Variants in GIN1 observed in about 807,000 individuals in gnomAD.
The protein encoded by GIN1 is gypsy retrotransposon integrase 1.
GIN1 carries 41 observed loss-of-function variants against 51.4 expected under a neutral mutation model. The observed-to-expected ratio is 0.80, with a 90% CI of 0.62 to 1.04. GIN1 has a LOEUF of 1.04. Ranked by LOEUF, GIN1 falls within the 50% of genes least tolerant of loss-of-function variation. The pLI is 0.00. For synonymous variants in GIN1, 222 were observed against 206.5 expected, an observed-to-expected ratio of 1.07 and a Z score of -0.64; for missense variants, 610 against 612.4, an observed-to-expected ratio of 1.00 and a Z score of 0.04.
chr5:103,093,934 T>C (rs1787325191), intron 7 of GIN1, among the ~76,000 whole-genome samples: 1 of 152,210 alleles, frequency 6.6e-6, no homozygotes, highest in Non-Finnish European at 1.5e-5. Context: ...CATTTAGTTC[T>C]AGATAAGAAT....
chr5:103,113,076 A>T (rs1787931052), intron 1 of GIN1, among the ~76,000 whole-genome samples: 1 of 152,042 alleles, frequency 6.6e-6, no homozygotes, highest in Non-Finnish European at 1.5e-5. Context: ...ACTTTATTCC[A>T]TTGCCACTGC....
chr5:103,092,980 G>GA (rs1787296452), intron 7 of GIN1, among the ~76,000 whole-genome samples: 1 of 112,606 alleles, frequency 8.9e-6, no homozygotes, highest in Non-Finnish European at 2.0e-5. Context: ...GGAAAAAAGA[G>GA]AAAGAAAAAA....
chr5:103,116,773 A>G (rs577692299), intron 1 of GIN1, among the ~76,000 whole-genome samples: 1 of 152,212 alleles, frequency 6.6e-6, no homozygotes, highest in African/African-American at 2.4e-5. Flanking sequence ...ACCTGGAAAT[A>G]CACTTCACTA....
chr5:103,089,717 A>G (rs1246735616), intron 7 of GIN1, among the ~76,000 whole-genome samples: 1 of 152,212 alleles, frequency 6.6e-6, no homozygotes, highest in East Asian at 1.9e-4. Context: ...TTAATTGCCT[A>G]TTTAGATTAG....
chr5:103,108,124 C>T (rs1313923130), intron 2 of GIN1, among the ~76,000 whole-genome samples: 1 of 152,012 alleles, frequency 6.6e-6, no homozygotes, highest in East Asian at 1.9e-4. Context: ...TATTTAATGG[C>T]AGTGGTGGGG....
chr5:103,096,359 GC>G (rs1322222637), intron 7 of GIN1, among the ~76,000 whole-genome samples, 181 bp downstream of exon 7: 5 of 151,846 alleles, frequency 3.3e-5, no homozygotes, highest in African/African-American at 1.2e-4. Context: ...AATCTCACAG[GC>G]CTGACAGTTC....
Position 103,100,515 on chromosome 5 carries a change from C to T in GIN1, c.640-2734G>A, listed in dbSNP as rs145348600. ...TAAGCAATCCTTACACGTTAGCCTCCTGAGTTGCTGGGACTATGAGTGTGC... is the reference window on the plus strand; with the variant it reads ...TAAGCAATCCTTACACGTTAGCCTCTTGAGTTGCTGGGACTATGAGTGTGC... On this transcript the variant is annotated intron_variant, in intron 4 of 7. Coordinates refer to ENST00000399004, the MANE Select transcript of GIN1 (RefSeq NM_017676.2). Among the ~76,000 whole-genome samples the T allele has an allele frequency of 9.9e-5, 15 of 152,168 alleles. No homozygotes were observed. The East Asian group carries it at 2.5e-3, about 25-fold the overall frequency.
In GIN1 at chr5:103,096,748, G is replaced by A; in HGVS notation, c.1087C>T (p.His363Tyr). 2.5e-6 allele frequency: 4 copies of A among 1,611,136 alleles called. No individual in the cohort carries two copies. The highest frequency in any genetic ancestry group is 2.5e-6 in the Non-Finnish European group (3 of 1,177,300). Residue 363 changes from histidine (H) to tyrosine (Y), a missense_variant, in exon 7 of 8, where the codon CAT (histidine) becomes TAT (tyrosine). Coordinates refer to ENST00000399004, the MANE Select transcript of GIN1 (RefSeq NM_017676.2). ...KKKPKQLNPF[H>Y]LKVGHEVLRQ... ...AAAACTTCATGACCCACTTTTAAAT[G>A]AAATGGATTTAATTGTTTGGGTTTC...
chr5:103,117,296 A>G (rs900018285), intron 1 of GIN1, among the ~76,000 whole-genome samples: 4 of 152,138 alleles, frequency 2.6e-5, no homozygotes, highest in Middle Eastern at 3.2e-3. Flanking sequence ...AAATGGCTAT[A>G]TATTTTATAT....
At chr5:103,111,903 T>C (rs1003319520) in intron 1 of GIN1, among the ~76,000 whole-genome samples, 1 of 152,204 alleles carries the variant, frequency 6.6e-6, no homozygotes, top group African/African-American at 2.4e-5. Flanking sequence ...TAACGTGCCA[T>C]TAGGACACTG....
At chr5:103,096,362 T>C (rs1408824274) in intron 7 of GIN1, among the ~76,000 whole-genome samples, 179 bp downstream of exon 7, 1 of 151,618 alleles carries the variant, frequency 6.6e-6, no homozygotes, top group Non-Finnish European at 1.5e-5. Flanking sequence ...CTCACAGGCC[T>C]GACAGTTCCA....
chr5:103,096,956 T>C (rs782167261), intron 6 of GIN1, 130 bp from the exon 7 acceptor site: 2 of 638,230 alleles, frequency 3.1e-6, no homozygotes, highest in Non-Finnish European at 5.4e-6. Flanking sequence ...ATGAATTCTA[T>C]TTAATTCTTA....
At chr5:103,102,498 T>C (rs782257595) in intron 4 of GIN1, 7 of 152,200 alleles carry the variant, frequency 4.6e-5, no homozygotes, top group Non-Finnish European at 8.8e-5. Flanking sequence ...AGTTACTATG[T>C]AAAAATCAGT....
At position 103,092,859 on chromosome 5, in the gene GIN1, T is replaced by C. The variant is rs375791580; in HGVS notation, c.1294+3682A>G. Among the ~76,000 whole-genome samples the C allele has an allele frequency of 9.8e-4, 143 of 145,634 alleles. 1 individual carries two copies. The highest frequency in any genetic ancestry group is 7.3e-3 in the Middle Eastern group (2 of 274). ...TACTTGGGAGGCTGATGTGGGAAGATTGCTTGAGCCCAGGAAGTCAAGGCT... is the reference window on the plus strand; with the variant it reads ...TACTTGGGAGGCTGATGTGGGAAGACTGCTTGAGCCCAGGAAGTCAAGGCT... On this transcript the variant is annotated intron_variant, in intron 7 of 7. Transcript: ENST00000399004.
intron 2 of GIN1, among the ~76,000 whole-genome samples, chr5:103,107,609 A>T (rs527709480): frequency 6.6e-6 from 1 of 152,222 alleles, no homozygotes; most frequent in Admixed American, 6.5e-5. Context: ...AACACTCCTT[A>T]TTTTTTAGAA....
rs1787431034 is a variant in GIN1 at position 103,097,322 on chromosome 5, G to C, written c.1000C>G (p.Leu334Val). The change falls in exon 6 of 8, where the codon CTG becomes GTG. Residue 334 changes from leucine to valine, a missense_variant. Transcript: ENST00000399004. ...DKIMENKTTS[L>V]GQMENNNLDE... ...CTATTGAATAGAATCACCTGGCCCAGTGAAGTTGTCTTATTCTCCATTATT... is the reference window on the plus strand; with the variant it reads ...CTATTGAATAGAATCACCTGGCCCACTGAAGTTGTCTTATTCTCCATTATT... 6.3e-7 allele frequency: 1 copy of C among 1,580,708 alleles called. No individual in the cohort carries two copies. Among genetic ancestry groups the C allele is most frequent in the Non-Finnish European group, 8.7e-7 (1 of 1,152,856 alleles).
Position 103,088,042 on chromosome 5 carries a change from T to C in GIN1, c.1425A>G (p.Glu475=), listed in dbSNP as rs77781148. The part of the protein sequence containing the change: ...EDATIGIVDN[E]LLTSSKDREL... ...CACGATCCTTGCTTGATGTCAGTAA[T>C]TCATTATCGACTATACCAATAGTTG... The change falls in exon 8 of 8, where the codon GAA becomes GAG. Residue 475 remains glutamate, a synonymous_variant. Transcript: ENST00000399004. 1,802 of 1,611,212 alleles carry C rather than the reference T, an allele frequency of 1.1e-3. 19 individuals carry two copies. The African/African-American group carries it at 0.021, about 19-fold the overall frequency.
intron 4 of GIN1, among the ~76,000 whole-genome samples, chr5:103,099,604 C>T (rs1441668325): frequency 6.6e-6 from 1 of 152,050 alleles, no homozygotes; most frequent in Non-Finnish European, 1.5e-5. Context: ...AAAAGCTTGC[C>T]TAGGAATGAT....
Position 103,106,710 on chromosome 5 carries a change from C to A in GIN1, c.333+6G>T. On this transcript the variant is annotated splice_donor_region_variant and intron_variant, in intron 3 of 7. Coordinates refer to ENST00000399004, the MANE Select transcript of GIN1 (RefSeq NM_017676.2). ...ATTCATAATACTCTAAATACATAAG[C>A]CATACCCACTGTTTGACATCATTGG... 1 of 1,510,824 alleles carries A rather than the reference C, an allele frequency of 6.6e-7. No individual in the cohort carries two copies. Among genetic ancestry groups the A allele is most frequent in the South Asian group, 1.2e-5 (1 of 84,032 alleles). The allele number at this position is 1,510,824 out of a possible 1,614,324, so 93.6% of individuals were successfully genotyped here.
Sources: allele counts gnomAD v4.1 joint callset (sites outside exome capture counted in the v4.1 genomes callset), GRCh38; gene constraint gnomAD v4.1.1; transcripts MANE v1.5; gene names NCBI Gene and HGNC (gene_info 2026-07-23, HGNC 2026-07-21).